SULF1: variants seen among roughly 807,000 people sequenced by gnomAD.
SULF1 encodes extracellular sulfatase Sulf-1.
In SULF1, 46 loss-of-function variants were observed where a neutral mutation model predicts 110.5. That is an observed-to-expected ratio of 0.42 (90% CI 0.33 to 0.53). The LOEUF (loss-of-function observed/expected upper bound fraction) is 0.53. Ranked by LOEUF, SULF1 falls within the 20% of genes least tolerant of loss-of-function variation. The pLI, the probability that SULF1 is intolerant of heterozygous loss-of-function variation, is 0.12. For missense variants in SULF1, 941 were observed against 1,094.2 expected (o/e 0.86, Z 1.98); for synonymous variants, 371 against 387.1 (o/e 0.96, Z 0.49).
intron 13 of SULF1, among the ~76,000 whole-genome samples, chr8:69,611,306 G>A (rs1263966676): frequency 2.0e-5 from 3 of 152,162 alleles, no homozygotes; most frequent in African/African-American, 7.2e-5. Flanking sequence ...CATTTTCTAG[G>A]AATTACAATA....
At chr8:69,610,025 A>G (rs1415994990) in intron 13 of SULF1, among the ~76,000 whole-genome samples, 1 of 152,222 alleles carries the variant, frequency 6.6e-6, no homozygotes, top group Non-Finnish European at 1.5e-5. Flanking sequence ...TTTGAAATAC[A>G]CTTTACATAT....
At chr8:69,606,600 A>G (rs1808238293) in intron 13 of SULF1, among the ~76,000 whole-genome samples, 1 of 152,162 alleles carries the variant, frequency 6.6e-6, no homozygotes, top group Non-Finnish European at 1.5e-5. Flanking sequence ...TCAGTGTGTA[A>G]TTTTACAAAC....
chr8:69,584,883 A>G (rs1047837910), intron 6 of SULF1, among the ~76,000 whole-genome samples: 2 of 152,234 alleles, frequency 1.3e-5, no homozygotes, highest in Non-Finnish European at 2.9e-5. Context: ...AGAGACATCA[A>G]AATTATGTAC....
At position 69,658,818 on chromosome 8, in the gene SULF1, G is replaced by C. The variant is rs1812911470; in HGVS notation, c.*283G>C. ...CTGCTGACTCAGATGAAGACCCAAG[G>C]CATAAGGTTGGGAAAACACCTCATT... On this transcript the variant is annotated 3_prime_UTR_variant, in exon 23 of 23. Transcript: ENST00000402687. 1.7e-6 allele frequency: 1 copy of C among 601,606 alleles called. No individual in the cohort carries two copies. Among genetic ancestry groups the C allele is most frequent in the Non-Finnish European group, 3.1e-6 (1 of 320,564 alleles). The allele number at this position is 601,606 out of a possible 1,614,324, so 37.3% of individuals were successfully genotyped here. A position where few individuals can be genotyped will look rare whatever the true frequency, so the allele number is the denominator to read the frequency against.
intron 1 of SULF1, among the ~76,000 whole-genome samples, chr8:69,472,276 A>G (rs1253883585): frequency 1.3e-5 from 2 of 152,218 alleles, no homozygotes; most frequent in Admixed American, 6.5e-5. Context: ...CTGGCTCACC[A>G]TCTAGAAAGA....
At chr8:69,480,511 C>T (rs1282177885) in intron 1 of SULF1, among the ~76,000 whole-genome samples, 1 of 152,160 alleles carries the variant, frequency 6.6e-6, no homozygotes, top group Admixed American at 6.5e-5. Context: ...TTGAATACTT[C>T]CTCAAGTACT....
chr8:69,480,158 C>A (rs1274488570), intron 1 of SULF1, among the ~76,000 whole-genome samples: 1 of 152,140 alleles, frequency 6.6e-6, no homozygotes, highest in Admixed American at 6.5e-5. Context: ...ACTTAAAGAA[C>A]ACACTATCCA....
At chr8:69,585,265 T>A (rs757453545) in intron 6 of SULF1, among the ~76,000 whole-genome samples, 2 of 152,170 alleles carry the variant, frequency 1.3e-5, no homozygotes, top group Non-Finnish European at 2.9e-5. Context: ...GAAAGCTATG[T>A]GTGTGGCTGG....
At chr8:69,602,592 G>A (rs997502484) in intron 10 of SULF1, among the ~76,000 whole-genome samples, 1 of 152,246 alleles carries the variant, frequency 6.6e-6, no homozygotes, top group Admixed American at 6.5e-5. Flanking sequence ...AGTGGTGGCA[G>A]TGGGGCCCAG....
At chr8:69,561,881 T>C (rs1397445569) in intron 3 of SULF1, among the ~76,000 whole-genome samples, 1 of 152,260 alleles carries the variant, frequency 6.6e-6, no homozygotes, top group Non-Finnish European at 1.5e-5. Flanking sequence ...GTATCAGGTT[T>C]CTCACGATTT....
chr8:69,567,917 T>C (rs1011237717), intron 5 of SULF1, among the ~76,000 whole-genome samples: 8 of 152,210 alleles, frequency 5.3e-5, no homozygotes, highest in African/African-American at 1.9e-4. Context: ...CACCTTACTG[T>C]TCTCCATAGC....
intron 3 of SULF1, among the ~76,000 whole-genome samples, chr8:69,540,721 A>C (rs1408705170): frequency 6.6e-6 from 1 of 152,172 alleles, no homozygotes; most frequent in East Asian, 1.9e-4. Context: ...ATCATATTTT[A>C]GGGCTCCACT....
intron 15 of SULF1, among the ~76,000 whole-genome samples, chr8:69,625,671 A>G (rs149143469): frequency 2.4e-3 from 364 of 152,258 alleles, no homozygotes; most frequent in East Asian, 7.9e-3. Flanking sequence ...GAGTGAAGCT[A>G]CAGATCTTCG....
intron 3 of SULF1, among the ~76,000 whole-genome samples, chr8:69,547,574 G>C (rs777616558): frequency 2.0e-5 from 3 of 152,116 alleles, no homozygotes; most frequent in Non-Finnish European, 4.4e-5. Flanking sequence ...AAAAACATGA[G>C]CGCTGCACAC....
At chr8:69,475,970 T>G (rs889905530) in intron 1 of SULF1, among the ~76,000 whole-genome samples, 4 of 152,158 alleles carry the variant, frequency 2.6e-5, no homozygotes, top group Non-Finnish European at 5.9e-5. Flanking sequence ...TTTGGGGAAG[T>G]TACGGATATT....
At chr8:69,538,396 A>C (rs947105027) in intron 3 of SULF1, among the ~76,000 whole-genome samples, 1 of 151,628 alleles carries the variant, frequency 6.6e-6, no homozygotes, top group African/African-American at 2.4e-5. Context: ...GCAGTCAGTG[A>C]CTATCAATTT....
At chr8:69,658,197 A>G (rs2130759914) in intron 22 of SULF1, among the ~76,000 whole-genome samples, 1 of 152,320 alleles carries the variant, frequency 6.6e-6, no homozygotes, top group East Asian at 1.9e-4. Context: ...TTCTGGTTGC[A>G]AAGTTGATTT....
At chr8:69,475,242 G>A (rs914632130) in intron 1 of SULF1, among the ~76,000 whole-genome samples, 2 of 152,182 alleles carry the variant, frequency 1.3e-5, no homozygotes, top group Admixed American at 6.5e-5. Context: ...TAACACATCA[G>A]GTAGAGAGGT....
chr8:69,617,436 T>G (rs1232251906), intron 13 of SULF1, among the ~76,000 whole-genome samples: 7 of 82,466 alleles, frequency 8.5e-5, no homozygotes, highest in African/African-American at 2.7e-4. Flanking sequence ...TATATATATG[T>G]TTTTTTTTTT....
Sources: gnomAD v4.1 joint callset for allele counts (sites outside exome capture counted in the v4.1 genomes callset) on GRCh38, gnomAD v4.1.1 for gene constraint, MANE v1.5 for transcripts, NCBI Gene and HGNC (gene_info 2026-07-23, HGNC 2026-07-21) for gene names.